CHRM3: variants seen among roughly 807,000 people sequenced by gnomAD.
CHRM3 encodes muscarinic acetylcholine receptor M3.
CHRM3 carries 11 observed loss-of-function variants against 41.8 expected under a neutral mutation model. The observed-to-expected ratio is 0.26, with a 90% CI of 0.17 to 0.44. CHRM3 has a LOEUF of 0.44. Ranked by LOEUF, CHRM3 falls within the 20% of genes least tolerant of loss-of-function variation. CHRM3 has a pLI of 1.00. For synonymous variants in CHRM3, 297 were observed against 301.4 expected (o/e 0.99, Z 0.15); for missense variants, 571 against 745.4 (o/e 0.77, Z 2.72).
chr1:239,393,576 C>G (rs925605486), intron 1 of CHRM3, among the ~76,000 whole-genome samples: 2 of 152,180 alleles, frequency 1.3e-5, no homozygotes, highest in African/African-American at 4.8e-5. Flanking sequence ...TCTCCTCACC[C>G]CAGATCCTTT....
chr1:239,614,199 AG>A (rs1191142367), intron 3 of CHRM3, among the ~76,000 whole-genome samples: 3 of 152,112 alleles, frequency 2.0e-5, no homozygotes, highest in African/African-American at 7.2e-5. Context: ...AAATTTTAGA[AG>A]GATACAAGCT....
At position 239,875,010 on chromosome 1, in the gene CHRM3, T is replaced by TA. The variant is rs375102299; in HGVS notation, c.-19-32420dup. Among the ~76,000 whole-genome samples, 314 of 152,280 alleles carry TA rather than the reference T, an allele frequency of 2.1e-3. 4 individuals carry two copies. In the East Asian group the frequency reaches 0.035, roughly 17 times the overall value. ...CACCGCACCCAGCCGCCATTACTTTTAAATGGCAAAAAACGCAATTACTTT... is the reference window on the plus strand; with the variant it reads ...CACCGCACCCAGCCGCCATTACTTTTAAAATGGCAAAAAACGCAATTACTTT... On this transcript the variant is annotated intron_variant, in intron 6 of 6. Coordinates refer to ENST00000676153, the MANE Select transcript of CHRM3 (RefSeq NM_001375978.1).
In CHRM3 at chr1:239,604,124, G is replaced by T. The variant is rs1665947679; in HGVS notation, c.-312-28100G>T. Among the ~76,000 whole-genome samples the T allele has an allele frequency of 2.0e-5, 3 of 152,152 alleles. No homozygotes were observed. In the South Asian group the frequency reaches 6.2e-4, roughly 32 times the overall value. On this transcript the variant is annotated intron_variant, in intron 3 of 6. Coordinates refer to ENST00000676153, the MANE Select transcript of CHRM3 (RefSeq NM_001375978.1). ...TGAATTAAACATCTTCTTCTTTGTTGTTCTTTGAGATGCAGATGCTGGATT... is the reference window on the plus strand; with the variant it reads ...TGAATTAAACATCTTCTTCTTTGTTTTTCTTTGAGATGCAGATGCTGGATT...
chr1:239,637,393 T>C (rs1670573707), intron 4 of CHRM3, among the ~76,000 whole-genome samples: 1 of 152,078 alleles, frequency 6.6e-6, no homozygotes. Context: ...GTTAATAACT[T>C]TCTACACATA....
In CHRM3 at chr1:239,912,118, TG is replaced by T; in HGVS notation, c.*2896del. 6.0e-6 allele frequency: 1 copy of T among 167,102 alleles called. No individual in the cohort carries two copies. Among genetic ancestry groups the T allele is most frequent in the South Asian group, 2.1e-4 (1 of 4,816 alleles). 10.4% of individuals were successfully genotyped at this position (167,102 alleles called of 1,614,324 possible). A position where few individuals can be genotyped will look rare whatever the true frequency, so the allele number is the denominator to read the frequency against. On this transcript the variant is annotated 3_prime_UTR_variant, in exon 7 of 7. Coordinates refer to ENST00000676153, the MANE Select transcript of CHRM3 (RefSeq NM_001375978.1). Reference sequence around the variant, plus strand: ...GATCAAACCTAAAATAAACTACACATGGAGAATCTCTCTCTCTCTCTCTGCC... The same window carrying T: ...GATCAAACCTAAAATAAACTACACATGAGAATCTCTCTCTCTCTCTCTGCC...
At chr1:239,590,391 G>A (rs1385463093) in intron 3 of CHRM3, among the ~76,000 whole-genome samples, 1 of 151,982 alleles carries the variant, frequency 6.6e-6, no homozygotes, top group Non-Finnish European at 1.5e-5. Flanking sequence ...CAGAAGGAGA[G>A]GACAAATACA....
chr1:239,566,544 T>C (rs1335452249), intron 3 of CHRM3, among the ~76,000 whole-genome samples: 4 of 152,224 alleles, frequency 2.6e-5, no homozygotes, highest in Non-Finnish European at 5.9e-5. Context: ...TAGTTCCTTT[T>C]GATTCAAGCT....
At chr1:239,501,012 G>A (rs1250873404) in intron 2 of CHRM3, among the ~76,000 whole-genome samples, 9 of 152,194 alleles carry the variant, frequency 5.9e-5, no homozygotes, top group Non-Finnish European at 1.2e-4. Flanking sequence ...TAAAGTAACA[G>A]CAGTTAAAAG....
rs979965882 is a variant in CHRM3 at position 239,907,427 on chromosome 1, C to T, written c.-19-6C>T. On this transcript the variant is annotated splice_region_variant and splice_polypyrimidine_tract_variant and intron_variant, in intron 6 of 6. Transcript: ENST00000676153. This position sits in a 1 kb window ranked among gnomAD's most constrained non-coding sequence, Gnocchi z 5.4. ...TCTAACTCTGTCTCTTCTCTCTTTC[C>T]CCCAGACTATGTCAGAGAGTCACAA... The T allele has an allele frequency of 6.3e-7, 1 of 1,591,722 alleles. No homozygotes were observed.
intron 3 of CHRM3, among the ~76,000 whole-genome samples, chr1:239,611,903 C>G (rs6673042): frequency 0.27 from 40,514 of 151,960 alleles, 5,722 homozygotes; most frequent in African/African-American, 0.33. Flanking sequence ...AAGTGAATAA[C>G]ACAATTTTAA....
At chr1:239,712,185 A>T (rs1307632583) in intron 5 of CHRM3, among the ~76,000 whole-genome samples, 1 of 152,226 alleles carries the variant, frequency 6.6e-6, no homozygotes, top group Non-Finnish European at 1.5e-5. Flanking sequence ...TGTTTAAAAA[A>T]TAATTTTATT....
At chr1:239,899,142 C>T (rs1232344532) in intron 6 of CHRM3, among the ~76,000 whole-genome samples, 1 of 151,960 alleles carries the variant, frequency 6.6e-6, no homozygotes, top group Admixed American at 6.6e-5. Flanking sequence ...GTATGTCGAG[C>T]AAAAATTTAA....
At chr1:239,525,137 AG>A (rs1424603496) in intron 2 of CHRM3, among the ~76,000 whole-genome samples, 1 of 151,990 alleles carries the variant, frequency 6.6e-6, no homozygotes, top group African/African-American at 2.4e-5. Flanking sequence ...CCAAGGAGGG[AG>A]GATTGCTTGA....
At chr1:239,557,898 G>C (rs759195550) in intron 3 of CHRM3, among the ~76,000 whole-genome samples, 41 of 152,180 alleles carry the variant, frequency 2.7e-4, no homozygotes, top group Admixed American at 1.2e-3. Context: ...TGAGTACTTG[G>C]GTTGATTCCA....
chr1:239,580,913 T>G (rs532304436), intron 3 of CHRM3, among the ~76,000 whole-genome samples: 1 of 151,972 alleles, frequency 6.6e-6, no homozygotes, highest in Non-Finnish European at 1.5e-5. Flanking sequence ...CAGGGCATTC[T>G]TTACCTCTTG....
intron 5 of CHRM3, among the ~76,000 whole-genome samples, chr1:239,823,142 G>C (rs920052889): frequency 1.3e-5 from 2 of 152,176 alleles, no homozygotes; most frequent in Non-Finnish European, 2.9e-5. Context: ...TCTAACATTT[G>C]TGCAGCATTT....
At chr1:239,763,017 T>C (rs1252524594) in intron 5 of CHRM3, among the ~76,000 whole-genome samples, 4 of 152,156 alleles carry the variant, frequency 2.6e-5, no homozygotes, top group Non-Finnish European at 2.9e-5. Flanking sequence ...CATTTTTATT[T>C]TAAGAGCACC....
At chr1:239,486,862 A>G (rs1572465515) in intron 1 of CHRM3, among the ~76,000 whole-genome samples, 1 of 152,300 alleles carries the variant, frequency 6.6e-6, no homozygotes, top group Admixed American at 6.5e-5. Context: ...ACCTTCTTAA[A>G]GGTGACAATT....
chr1:239,396,769 C>T lies in CHRM3; in HGVS notation c.-521+9542C>T, dbSNP rs114700503. On this transcript the variant is annotated intron_variant, in intron 1 of 6. Transcript: ENST00000676153. Reference sequence around the variant, plus strand: ...AACTATGGTTAACAGTTTGATGTCACGACAGGATTGCCTCTGATATTTTTC... The same window carrying T: ...AACTATGGTTAACAGTTTGATGTCATGACAGGATTGCCTCTGATATTTTTC... Among the ~76,000 whole-genome samples, 821 of 152,254 alleles carry T rather than the reference C, an allele frequency of 5.4e-3. 7 individuals are homozygous for T. The highest frequency in any genetic ancestry group is 0.018 in the African/African-American group (733 of 41,542).
Sources: gnomAD v4.1 joint callset for allele counts (sites outside exome capture counted in the v4.1 genomes callset) on GRCh38, gnomAD v4.1.1 for gene constraint, Gnocchi (gnomAD v3.1) non-coding constraint, MANE v1.5 for transcripts, NCBI Gene and HGNC (gene_info 2026-07-23, HGNC 2026-07-21) for gene names.